The following ANO4 variants were observed in gnomAD, a reference collection of about 807,000 sequenced individuals.
ANO4 encodes anoctamin 4.
A neutral mutation model predicts 141.9 loss-of-function variants in ANO4; 69 were observed. The ratio of observed to expected loss-of-function variants is 0.49; its 90% CI spans 0.40 to 0.59. The LOEUF is 0.59. Ranked by LOEUF, ANO4 falls within the 20% of genes least tolerant of loss-of-function variation. The pLI, the probability that ANO4 is intolerant of heterozygous loss-of-function variation, is 0.00. For synonymous variants in ANO4, 350 were observed against 394.3 expected, an observed-to-expected ratio of 0.89 and a Z score of 1.33; for missense variants, 894 against 1,162.2, an observed-to-expected ratio of 0.77 and a Z score of 3.36.
intron 1 of ANO4, among the ~76,000 whole-genome samples, chr12:100,877,332 T>C (rs1286669851): frequency 6.6e-6 from 1 of 151,516 alleles, no homozygotes; most frequent in Non-Finnish European, 1.5e-5. Flanking sequence ...ATTAGCTTGA[T>C]TTAATCATTC....
intron 3 of ANO4, among the ~76,000 whole-genome samples, chr12:100,752,699 T>C (rs766908673): frequency 2.6e-5 from 4 of 152,164 alleles, no homozygotes; most frequent in South Asian, 4.1e-4. Flanking sequence ...ATGGTGCCTA[T>C]GGCAATGAGA....
At chr12:100,749,652 T>G (rs2032278620) in intron 3 of ANO4, among the ~76,000 whole-genome samples, 1 of 152,348 alleles carries the variant, frequency 6.6e-6, no homozygotes, top group Non-Finnish European at 1.5e-5. Context: ...GATGTAGCTA[T>G]GAAGTTACTT....
At chr12:100,777,733 T>C (rs2135570704) in intron 3 of ANO4, among the ~76,000 whole-genome samples, 1 of 152,260 alleles carries the variant, frequency 6.6e-6, no homozygotes, top group South Asian at 2.1e-4. Flanking sequence ...CAAAATAAAT[T>C]TTAGCATTTA....
intron 1 of ANO4, among the ~76,000 whole-genome samples, chr12:100,725,038 A>G (rs1240208665): frequency 6.6e-6 from 1 of 152,192 alleles, no homozygotes; most frequent in Non-Finnish European, 1.5e-5. Flanking sequence ...TTGTAAATTA[A>G]ATGGTATTTC....
chr12:101,054,318 G>T (rs567886460), intron 14 of ANO4, among the ~76,000 whole-genome samples: 3 of 152,258 alleles, frequency 2.0e-5, no homozygotes, highest in African/African-American at 7.2e-5. Flanking sequence ...AAAACAGAAA[G>T]AAATGATGCC....
intron 17 of ANO4, among the ~76,000 whole-genome samples, chr12:101,089,552 C>G (rs1259918496): frequency 6.6e-6 from 1 of 152,074 alleles, no homozygotes; most frequent in South Asian, 2.1e-4. Flanking sequence ...AACCAAACAG[C>G]CATAGGTGAA....
At chr12:100,903,341 A>G (rs545075740) in intron 2 of ANO4, among the ~76,000 whole-genome samples, 6 of 152,156 alleles carry the variant, frequency 3.9e-5, no homozygotes, top group Non-Finnish European at 8.8e-5. Flanking sequence ...CTCCCACTCC[A>G]GCATCTCTTT....
At chr12:100,983,826 A>C (rs2044589819) in intron 7 of ANO4, among the ~76,000 whole-genome samples, 1 of 152,178 alleles carries the variant, frequency 6.6e-6, no homozygotes, top group Admixed American at 6.5e-5. Flanking sequence ...CCTTCCTTAC[A>C]TCTCCAAAGT....
intron 1 of ANO4, among the ~76,000 whole-genome samples, chr12:100,849,651 A>G (rs920181106): frequency 1.3e-5 from 2 of 152,110 alleles, no homozygotes; most frequent in African/African-American, 4.8e-5. Flanking sequence ...TCCATTATTG[A>G]TGGATTTTTA....
At chr12:101,000,324 T>G (rs148042694) in intron 8 of ANO4, among the ~76,000 whole-genome samples, 1 of 152,346 alleles carries the variant, frequency 6.6e-6, no homozygotes, top group African/African-American at 2.4e-5. Context: ...TTTAACATTT[T>G]ATGTGTCAGT....
At chr12:100,975,877 AACATATGCAGATGT>A (rs1222880152) in intron 7 of ANO4, among the ~76,000 whole-genome samples, 1 of 151,110 alleles carries the variant, frequency 6.6e-6, no homozygotes, top group African/African-American at 2.4e-5. Flanking sequence ...TTTTGTTAAT[AACATATGCAGATGT>A]ATAGCCTCAC....
chr12:101,057,353 C>T (rs1307742416), intron 14 of ANO4, among the ~76,000 whole-genome samples: 1 of 152,050 alleles, frequency 6.6e-6, no homozygotes, highest in Non-Finnish European at 1.5e-5. Context: ...GATTTATAAT[C>T]CTTTGGGTGT....
At chr12:100,934,906 G>A (rs1159633110) in intron 3 of ANO4, among the ~76,000 whole-genome samples, 2 of 152,190 alleles carry the variant, frequency 1.3e-5, no homozygotes, top group African/African-American at 2.4e-5. Flanking sequence ...TGTTAATGGT[G>A]TATAGGAATG....
chr12:100,776,584 CT>C (rs1175799343), intron 3 of ANO4, among the ~76,000 whole-genome samples: 6 of 152,262 alleles, frequency 3.9e-5, no homozygotes, highest in African/African-American at 1.4e-4. Context: ...GCAAGAGTAA[CT>C]TTTAATGTGA....
At chr12:100,738,532 A>G (rs2031706860) in intron 2 of ANO4, among the ~76,000 whole-genome samples, 1 of 152,214 alleles carries the variant, frequency 6.6e-6, no homozygotes. Context: ...AATTAAATAT[A>G]TGCTATAAAT....
chr12:100,833,468 A>G (rs1164328440), intron 1 of ANO4, among the ~76,000 whole-genome samples: 2 of 152,150 alleles, frequency 1.3e-5, no homozygotes. Flanking sequence ...CCTGAGTCAT[A>G]GTCAGGATGA....
At chr12:100,816,372 T>C (rs114860513) in intron 1 of ANO4, among the ~76,000 whole-genome samples, 2,100 of 152,124 alleles carry the variant, frequency 0.014, 43 homozygotes, top group African/African-American at 0.047. Context: ...ATCTGAAAGA[T>C]GAGTGGTCCA....
intron 3 of ANO4, among the ~76,000 whole-genome samples, chr12:100,764,436 C>A (rs2032995792): frequency 6.6e-6 from 1 of 152,156 alleles, no homozygotes; most frequent in Non-Finnish European, 1.5e-5. Context: ...TTTATTTCAT[C>A]TCAGGACATT....
intron 2 of ANO4, among the ~76,000 whole-genome samples, chr12:100,738,878 C>A (rs1348361937): frequency 6.6e-6 from 1 of 151,602 alleles, no homozygotes; most frequent in Non-Finnish European, 1.5e-5. Flanking sequence ...AACTCTAGTT[C>A]TCATGCTGTA....
Sources: allele counts gnomAD v4.1 joint callset (sites outside exome capture counted in the v4.1 genomes callset), GRCh38; gene constraint gnomAD v4.1.1; transcripts MANE v1.5; gene names NCBI Gene and HGNC (gene_info 2026-07-23, HGNC 2026-07-21).